The following RASEF variants were observed in gnomAD, a reference collection of about 807,000 sequenced individuals.
The protein encoded by RASEF is ras and EF-hand domain-containing protein.
RASEF carries 68 observed loss-of-function variants against 90.1 expected under a neutral mutation model. That is an observed-to-expected ratio of 0.75 (90% CI 0.62 to 0.92). RASEF has a LOEUF of 0.92. Ranked by LOEUF, RASEF falls within the 40% of genes least tolerant of loss-of-function variation. RASEF has a pLI of 0.00. For synonymous variants in RASEF, 331 were observed against 345.2 expected (o/e 0.96, Z 0.46); for missense variants, 949 against 937.2 (o/e 1.01, Z -0.16).
At chr9:83,080,211 G>A in the RASEF span, among the ~76,000 whole-genome samples, 1 of 152,214 alleles carries the variant, frequency 6.6e-6, no homozygotes, top group Non-Finnish European at 1.5e-5. Flanking sequence ...GGTGAGAGTG[G>A]AGAACAGGAG....
chr9:83,093,236 C>G, the RASEF span, among the ~76,000 whole-genome samples: 2 of 152,226 alleles, frequency 1.3e-5, no homozygotes, highest in East Asian at 3.9e-4. Context: ...GCTGGCTTCA[C>G]CCGGTGGATC....
At chr9:83,128,497 T>C in the RASEF span, among the ~76,000 whole-genome samples, 1 of 137,846 alleles carries the variant, frequency 7.3e-6, no homozygotes, top group African/African-American at 2.7e-5. Context: ...CACAAACCAA[T>C]CGGCATGCAG....
At chr9:83,011,360 T>C (rs1829239565) in intron 5 of RASEF, among the ~76,000 whole-genome samples, 1 of 152,000 alleles carries the variant, frequency 6.6e-6, no homozygotes, top group South Asian at 2.1e-4. Context: ...GAGACCACCC[T>C]GGCCAACACG....
the RASEF span, among the ~76,000 whole-genome samples, chr9:83,164,147 C>T: frequency 2.7e-5 from 4 of 150,348 alleles, no homozygotes; most frequent in East Asian, 3.9e-4. Flanking sequence ...AAAGAAGTCA[C>T]GTAGAATAGA....
intron 3 of RASEF, among the ~76,000 whole-genome samples, chr9:83,019,681 T>G (rs1283459763): frequency 6.6e-6 from 1 of 152,216 alleles, no homozygotes; most frequent in Non-Finnish European, 1.5e-5. Context: ...AACTCAAATG[T>G]CCTTCTACAG....
At chr9:83,177,563 A>G in the RASEF span, among the ~76,000 whole-genome samples, 59 of 150,740 alleles carry the variant, frequency 3.9e-4, no homozygotes, top group Non-Finnish European at 8.3e-4. Context: ...TCTGCTAAAA[A>G]GTTTCTGGTA....
the RASEF span, among the ~76,000 whole-genome samples, chr9:83,130,291 A>G: frequency 6.6e-6 from 1 of 152,210 alleles, no homozygotes; most frequent in Admixed American, 6.5e-5. Context: ...AGCAAAATTG[A>G]GTGGGTGGAA....
At chr9:83,032,948 T>C (rs898992525) in intron 1 of RASEF, among the ~76,000 whole-genome samples, 7 of 152,292 alleles carry the variant, frequency 4.6e-5, no homozygotes, top group African/African-American at 1.4e-4. Context: ...AGGACATCTC[T>C]GGGAACCAGT....
At chr9:83,166,611 T>C in the RASEF span, among the ~76,000 whole-genome samples, 8 of 152,156 alleles carry the variant, frequency 5.3e-5, no homozygotes, top group African/African-American at 1.7e-4. Flanking sequence ...ACAGAATACA[T>C]ACAACCTCTG....
At chr9:83,078,595 T>C in the RASEF span, among the ~76,000 whole-genome samples, 75,882 of 151,078 alleles carry the variant, frequency 0.5, 19,259 homozygotes, top group East Asian at 0.78. Flanking sequence ...ACCCAGGAAA[T>C]GGAGGTTGCA....
chr9:83,060,270 T>C (rs769521993), intron 1 of RASEF, among the ~76,000 whole-genome samples: 1 of 152,180 alleles, frequency 6.6e-6, no homozygotes, highest in Non-Finnish European at 1.5e-5. Flanking sequence ...TCCCAAAATA[T>C]TGTGTACAAA....
At chr9:82,995,603 G>A (rs1201893282) in intron 14 of RASEF, among the ~76,000 whole-genome samples, 1 of 152,082 alleles carries the variant, frequency 6.6e-6, no homozygotes, top group Non-Finnish European at 1.5e-5. Flanking sequence ...ATACTAACAT[G>A]CCTGGGTAAT....
At chr9:83,108,600 A>G in the RASEF span, among the ~76,000 whole-genome samples, 1 of 152,314 alleles carries the variant, frequency 6.6e-6, no homozygotes, top group East Asian at 1.9e-4. Context: ...CTTCTTAAGT[A>G]AAAAATGTGA....
the RASEF span, among the ~76,000 whole-genome samples, chr9:83,158,659 CAT>C: frequency 1.6e-5 from 2 of 122,530 alleles, no homozygotes; most frequent in Admixed American, 8.4e-5. Flanking sequence ...CAAATATATA[CAT>C]ATATGTATAT....
the RASEF span, among the ~76,000 whole-genome samples, chr9:83,189,826 A>C: frequency 6.6e-6 from 1 of 152,174 alleles, no homozygotes. Context: ...TTTCTCATTT[A>C]AACAAACATC....
rs10115388 is a variant in RASEF at position 82,982,834 on chromosome 9, G to A, written c.2118-52C>T. The A allele has an allele frequency of 5.9e-3, 5,847 of 996,148 alleles. 167 individuals are homozygous for A. The African/African-American group carries it at 0.085, about 14-fold the overall frequency. The allele number at this position is 996,148 out of a possible 1,614,324, so 61.7% of individuals were successfully genotyped here. A position where few individuals can be genotyped will look rare whatever the true frequency, so the allele number is the denominator to read the frequency against. ...GAGAGAGAGAGAGAGAGAGAGAGAG[G>A]ATTACTGAGGTATAAAAACTAAGCC... On this transcript the variant is annotated intron_variant, in intron 16 of 16. Transcript: ENST00000376447.
chr9:83,209,686 T>C, the RASEF span, among the ~76,000 whole-genome samples: 1 of 152,260 alleles, frequency 6.6e-6, no homozygotes, highest in Admixed American at 6.5e-5. Flanking sequence ...AGAAGCCTTT[T>C]GACATTGTGT....
chr9:83,176,549 A>G, the RASEF span, among the ~76,000 whole-genome samples: 4 of 151,974 alleles, frequency 2.6e-5, no homozygotes, highest in Non-Finnish European at 5.9e-5. Flanking sequence ...TTCAGCATTA[A>G]GTGAATATTT....
chr9:83,176,071 C>T, the RASEF span, among the ~76,000 whole-genome samples: 1 of 152,092 alleles, frequency 6.6e-6, no homozygotes, highest in Non-Finnish European at 1.5e-5. Flanking sequence ...TGATATTCTG[C>T]CTAGTCATTC....
Sources: allele counts gnomAD v4.1 joint callset (sites outside exome capture counted in the v4.1 genomes callset), GRCh38; gene constraint gnomAD v4.1.1; transcripts MANE v1.5; gene names NCBI Gene and HGNC (gene_info 2026-07-23, HGNC 2026-07-21).